CRYBG1: variants seen among roughly 807,000 people sequenced by gnomAD.
The protein encoded by CRYBG1 is beta/gamma crystallin domain-containing protein 1.
A neutral mutation model predicts 189.2 loss-of-function variants in CRYBG1; 139 were observed. The ratio of observed to expected loss-of-function variants is 0.73; its 90% CI spans 0.64 to 0.85. CRYBG1 has a LOEUF of 0.85. CRYBG1 is among the 40% of genes least tolerant of loss of function. The pLI is 0.00. For missense variants in CRYBG1, 2,611 were observed against 2,675.8 expected, an observed-to-expected ratio of 0.98 and a Z score of 0.53; for synonymous variants, 1,023 against 1,017.1, an observed-to-expected ratio of 1.01 and a Z score of -0.11.
At chr6:106,418,233 G>A (rs1771061073) in intron 1 of CRYBG1, among the ~76,000 whole-genome samples, 1 of 152,238 alleles carries the variant, frequency 6.6e-6, no homozygotes, top group Admixed American at 6.5e-5. Flanking sequence ...TAGAATAGGG[G>A]AAGGGCAGGC....
At chr6:106,376,214 A>G (rs1582728623) in intron 1 of CRYBG1, among the ~76,000 whole-genome samples, 2 of 152,294 alleles carry the variant, frequency 1.3e-5, no homozygotes, top group Admixed American at 1.3e-4. Flanking sequence ...AGTAATTTAG[A>G]TGGCTTTTGT....
chr6:106,518,573 T>C (rs1010699209), intron 3 of CRYBG1, among the ~76,000 whole-genome samples: 2 of 152,196 alleles, frequency 1.3e-5, no homozygotes, highest in African/African-American at 4.8e-5. Context: ...GTTTCTTGGC[T>C]ATATAATCTT....
At chr6:106,400,438 T>C (rs550311009) in intron 1 of CRYBG1, among the ~76,000 whole-genome samples, 47 of 152,322 alleles carry the variant, frequency 3.1e-4, no homozygotes, top group African/African-American at 9.9e-4. Flanking sequence ...TTTTACTTTA[T>C]TGGATCTTAG....
rs73520822 is a variant in CRYBG1 at position 106,530,001 on chromosome 6, G to A, written c.4579-175G>A. 2.9e-3 allele frequency among the ~76,000 whole-genome samples: 436 copies of A among 152,326 alleles called. 4 individuals carry two copies. The highest frequency in any genetic ancestry group is 0.01 in the African/African-American group (426 of 41,576). ...CAAGTGTGTCTGCCCCGAAATAGGT[G>A]TATTATTAATTCATGGATGAAAACA... On this transcript the variant is annotated intron_variant, in intron 7 of 21. Coordinates refer to ENST00000633556, the MANE Select transcript of CRYBG1 (RefSeq NM_001371242.2).
intron 1 of CRYBG1, among the ~76,000 whole-genome samples, chr6:106,382,711 A>G (rs1178788206): frequency 6.6e-6 from 1 of 152,188 alleles, no homozygotes; most frequent in Non-Finnish European, 1.5e-5. Context: ...TTTTGTAATA[A>G]TTTTGATTTT....
chr6:106,381,441 A>G (rs1233764218), intron 1 of CRYBG1, among the ~76,000 whole-genome samples: 2 of 152,074 alleles, frequency 1.3e-5, no homozygotes, highest in Non-Finnish European at 2.9e-5. Context: ...GCTAAAAACC[A>G]TATCCAGTGA....
intron 2 of CRYBG1, among the ~76,000 whole-genome samples, chr6:106,495,119 T>C (rs1448224816): frequency 1.3e-5 from 2 of 152,202 alleles, no homozygotes; most frequent in African/African-American, 4.8e-5. Context: ...AGGGCACACC[T>C]CTTTAACACT....
chr6:106,511,554 C>G lies in CRYBG1; in HGVS notation c.437C>G (p.Ala146Gly). ...NGLESPTRSN[A>G]KPLSPKDVVA... ...TTAGAGAGTCCCACCAGATCAAATG[C>G]CAAACCACTCTCTCCCAAAGATGTG... The change falls in exon 3 of 22, where the codon GCC becomes GGC. Residue 146 changes from alanine to glycine, a missense_variant. By Grantham distance (60) the Ala-to-Gly change is moderately conservative (BLOSUM62 0). Transcript: ENST00000633556. 1 of 1,535,786 alleles carries G rather than the reference C, an allele frequency of 6.5e-7. No homozygotes were observed. Among genetic ancestry groups the G allele is most frequent in the South Asian group, 1.2e-5 (1 of 84,052 alleles).
chr6:106,553,668 G>A, intron 16 of CRYBG1, 101 bp downstream of exon 16: 2 of 789,958 alleles, frequency 2.5e-6, no homozygotes, highest in South Asian at 1.5e-5. Flanking sequence ...TTGGCACTAT[G>A]CGAAACCACC....
At chr6:106,436,516 G>A (rs1395715398) in intron 1 of CRYBG1, among the ~76,000 whole-genome samples, 1 of 152,176 alleles carries the variant, frequency 6.6e-6, no homozygotes, top group East Asian at 1.9e-4. Context: ...GGATGGTCTC[G>A]ATCTCCTGAC....
rs751024918 is a variant in CRYBG1 at position 106,525,149 on chromosome 6, T to A, written c.4262T>A (p.Val1421Asp). The A allele has an allele frequency of 1.9e-5, 30 of 1,614,030 alleles. No homozygotes were observed. The highest frequency in any genetic ancestry group is 2.5e-5 in the Non-Finnish European group (30 of 1,180,002). Residue 1421 changes from valine (V) to aspartate (D), a missense_variant, in exon 5 of 22, where the codon GTC (valine) becomes GAC (aspartate). Transcript: ENST00000633556. The part of the protein sequence containing the change: ...LSDTMTLRGS[V>D]QNKLNPRPGK... Reference sequence around the variant, plus strand: ...TGATTGCAGACACTTAGAGGAAGTGTCCAAAATAAACTCAATCCCCGACCT... The same window carrying A: ...TGATTGCAGACACTTAGAGGAAGTGACCAAAATAAACTCAATCCCCGACCT...
intron 2 of CRYBG1, among the ~76,000 whole-genome samples, chr6:106,491,006 C>T (rs1582792739): frequency 6.6e-6 from 1 of 152,178 alleles, no homozygotes; most frequent in Non-Finnish European, 1.5e-5. Context: ...TTAACGAAGC[C>T]TCCTCTTGCA....
chr6:106,510,837 T>A (rs969763261), intron 2 of CRYBG1, among the ~76,000 whole-genome samples: 1 of 152,246 alleles, frequency 6.6e-6, no homozygotes, highest in African/African-American at 2.4e-5. Flanking sequence ...GAGCTCCGGC[T>A]AAGGCGGGGC....
intron 1 of CRYBG1, among the ~76,000 whole-genome samples, chr6:106,394,108 C>T (rs1437134388): frequency 6.6e-6 from 1 of 152,196 alleles, no homozygotes; most frequent in African/African-American, 2.4e-5. Flanking sequence ...CTAATCCATG[C>T]ACTTAAAGTT....
At chr6:106,408,197 A>G (rs923923806) in intron 1 of CRYBG1, among the ~76,000 whole-genome samples, 1 of 152,236 alleles carries the variant, frequency 6.6e-6, no homozygotes, top group Non-Finnish European at 1.5e-5. Context: ...GGGTATCATC[A>G]CTGATCCCAC....
chr6:106,420,968 C>T (rs555466266), intron 1 of CRYBG1, among the ~76,000 whole-genome samples: 10 of 152,156 alleles, frequency 6.6e-5, no homozygotes, highest in Non-Finnish European at 1.0e-4. Flanking sequence ...AACAGAGCAG[C>T]GAGGAAAGTA....
intron 2 of CRYBG1, among the ~76,000 whole-genome samples, chr6:106,490,097 C>T (rs1009978319): frequency 6.6e-6 from 1 of 152,220 alleles, no homozygotes; most frequent in Non-Finnish European, 1.5e-5. Context: ...GTCCACATTA[C>T]AGTTGTCATT....
At chr6:106,432,626 T>C (rs1771351802) in intron 1 of CRYBG1, among the ~76,000 whole-genome samples, 1 of 152,174 alleles carries the variant, frequency 6.6e-6, no homozygotes, top group Admixed American at 6.5e-5. Flanking sequence ...TGCTGGTAAG[T>C]GTACCTGGGC....
chr6:106,570,454 G>A lies in CRYBG1; in HGVS notation c.*1888G>A, dbSNP rs1322963016. 6.6e-6 allele frequency: 1 copy of A among 152,216 alleles called. No individual in the cohort carries two copies. The highest frequency in any genetic ancestry group is 1.9e-4 in the East Asian group (1 of 5,200). The allele number at this position is 152,216 out of a possible 1,614,324, so 9.4% of individuals were successfully genotyped here. A position where few individuals can be genotyped will look rare whatever the true frequency, so the allele number is the denominator to read the frequency against. On this transcript the variant is annotated 3_prime_UTR_variant, in exon 22 of 22. Transcript: ENST00000633556. Reference sequence around the variant, plus strand: ...AAACTTGCTTCTGGTTAACTATGTTGATGAAATCTGAGAGTCCATTCAGTA... The same window carrying A: ...AAACTTGCTTCTGGTTAACTATGTTAATGAAATCTGAGAGTCCATTCAGTA...
Sources: gnomAD v4.1 joint callset for allele counts (sites outside exome capture counted in the v4.1 genomes callset) on GRCh38, gnomAD v4.1.1 for gene constraint, MANE v1.5 for transcripts, NCBI Gene and HGNC (gene_info 2026-07-23, HGNC 2026-07-21) for gene names.